Variants in DLG2 observed in about 807,000 individuals in gnomAD.
DLG2 encodes disks large homolog 2.
DLG2 carries 45 observed loss-of-function variants against 132.5 expected under a neutral mutation model. The ratio of observed to expected loss-of-function variants is 0.34; its 90% confidence interval spans 0.27 to 0.44. DLG2 has a LOEUF of 0.44. Among genes scored for constraint, DLG2 ranks in the 20% least tolerant of loss-of-function variants. The probability of loss-of-function intolerance (pLI) is 1.00; values close to 1 mark genes in which losing one functional copy is unlikely to be tolerated. For synonymous variants in DLG2, 424 were observed against 419.6 expected, an observed-to-expected ratio of 1.01 and a Z score of -0.13; for missense variants, 1,045 against 1,196.9, an observed-to-expected ratio of 0.87 and a Z score of 1.87.
At chr11:85,177,667 A>G (rs1167272681) in intron 4 of DLG2, among the ~76,000 whole-genome samples, 2 of 152,112 alleles carry the variant, frequency 1.3e-5, no homozygotes, top group African/African-American at 4.8e-5. Context: ...TATATACCCC[A>G]GAACTTAAAT....
At chr11:83,618,789 A>G (rs754840381) in intron 19 of DLG2, among the ~76,000 whole-genome samples, 5 of 152,160 alleles carry the variant, frequency 3.3e-5, no homozygotes, top group Admixed American at 6.5e-5. Context: ...AACAACAACA[A>G]CAAAAATACA....
At chr11:85,531,930 T>C (rs964216662) in intron 3 of DLG2, among the ~76,000 whole-genome samples, 1 of 152,198 alleles carries the variant, frequency 6.6e-6, no homozygotes, top group African/African-American at 2.4e-5. Context: ...TAAGCAACTT[T>C]CTCAAAGTCA....
chr11:84,596,364 T>C lies in DLG2; in HGVS notation c.358-61633A>G, dbSNP rs374448785. Among the ~76,000 whole-genome samples, 14 of 150,952 alleles carry C rather than the reference T, an allele frequency of 9.3e-5. No individual in the cohort carries two copies. In the East Asian group the frequency reaches 2.3e-3, roughly 25 times the overall value. On this transcript the variant is annotated intron_variant, in intron 6 of 27. Coordinates refer to ENST00000376104, the MANE Select transcript of DLG2 (RefSeq NM_001142699.3). ...TTGGGATTACAGGTGTGTGTCACCA[T>C]GCCCAGATAATTTTCTTTTTTTTTT... is the stretch of plus-strand genomic sequence containing the variant.
chr11:84,481,742 C>T (rs1025310949), intron 7 of DLG2, among the ~76,000 whole-genome samples: 1 of 152,148 alleles, frequency 6.6e-6, no homozygotes, highest in Admixed American at 6.6e-5. Flanking sequence ...GCATTTTCTG[C>T]ATTCTATCAA....
intron 19 of DLG2, among the ~76,000 whole-genome samples, chr11:83,603,164 T>G (rs918163240): frequency 6.6e-6 from 1 of 152,122 alleles, no homozygotes; most frequent in Non-Finnish European, 1.5e-5. Context: ...CTGCACAATT[T>G]TTTAAAAATA....
intron 14 of DLG2, 43 bp downstream of exon 14, chr11:83,962,842 T>C: frequency 6.2e-7 from 1 of 1,602,530 alleles, no homozygotes; most frequent in Non-Finnish European, 8.5e-7. Context: ...GATTTCTTTC[T>C]GGTAATAAGA....
chr11:84,280,751 G>T (rs1422440614), intron 7 of DLG2, among the ~76,000 whole-genome samples: 3 of 151,642 alleles, frequency 2.0e-5, no homozygotes, highest in Non-Finnish European at 4.4e-5. Context: ...AGGCTGGAGT[G>T]CAGTGGCACG....
intron 6 of DLG2, among the ~76,000 whole-genome samples, chr11:85,089,058 A>T (rs1326608005): frequency 6.6e-6 from 1 of 152,178 alleles, no homozygotes; most frequent in Non-Finnish European, 1.5e-5. Context: ...AGAGCTCCTT[A>T]CCACTTGAGG....
chr11:85,247,708 TC>T (rs1480097169), intron 4 of DLG2, among the ~76,000 whole-genome samples: 1 of 152,068 alleles, frequency 6.6e-6, no homozygotes, highest in Non-Finnish European at 1.5e-5. Context: ...ATCTTTTCTG[TC>T]TCTTGAAAAG....
chr11:85,479,551 T>C (rs989748838), intron 3 of DLG2, among the ~76,000 whole-genome samples: 2 of 152,180 alleles, frequency 1.3e-5, no homozygotes, highest in African/African-American at 4.8e-5. Flanking sequence ...TATGAATCAG[T>C]ATAAAAAATA....
chr11:85,499,417 G>A (rs1200948208), intron 3 of DLG2, among the ~76,000 whole-genome samples: 1 of 152,150 alleles, frequency 6.6e-6, no homozygotes, highest in East Asian at 1.9e-4. Context: ...TCTCTGAATA[G>A]ACCAATAATA....
chr11:85,169,968 G>T (rs1164836352), intron 4 of DLG2, among the ~76,000 whole-genome samples: 1 of 152,092 alleles, frequency 6.6e-6, no homozygotes, highest in Non-Finnish European at 1.5e-5. Context: ...ACACATACAT[G>T]TATCTTATTT....
At chr11:84,511,412 G>A (rs969683771) in intron 7 of DLG2, among the ~76,000 whole-genome samples, 3 of 152,048 alleles carry the variant, frequency 2.0e-5, no homozygotes, top group Non-Finnish European at 4.4e-5. Flanking sequence ...CAAATTGAAT[G>A]AATATCTTCT....
chr11:84,965,478 A>AC (rs1308643413), intron 6 of DLG2, among the ~76,000 whole-genome samples: 1 of 152,090 alleles, frequency 6.6e-6, no homozygotes, highest in African/African-American at 2.4e-5. Context: ...ACTGTGCGGG[A>AC]CTTAAATGAT....
intron 4 of DLG2, among the ~76,000 whole-genome samples, chr11:85,162,077 T>C (rs969747795): frequency 6.6e-6 from 1 of 152,128 alleles, no homozygotes; most frequent in African/African-American, 2.4e-5. Flanking sequence ...TAACCTGGAA[T>C]TGCCACCTGG....
chr11:84,786,056 A>G (rs979821649), intron 6 of DLG2, among the ~76,000 whole-genome samples: 2 of 152,174 alleles, frequency 1.3e-5, no homozygotes, highest in African/African-American at 4.8e-5. Context: ...CTATGCTATC[A>G]TTACTTCTAG....
intron 7 of DLG2, among the ~76,000 whole-genome samples, chr11:84,434,684 T>G (rs889726377): frequency 6.6e-6 from 1 of 152,160 alleles, no homozygotes; most frequent in Non-Finnish European, 1.5e-5. Flanking sequence ...CATTTTGTGA[T>G]GCTACTGAGT....
At chr11:85,370,115 T>C (rs1407920940) in intron 3 of DLG2, among the ~76,000 whole-genome samples, 1 of 152,216 alleles carries the variant, frequency 6.6e-6, no homozygotes, top group Non-Finnish European at 1.5e-5. Context: ...CCTATGGAAC[T>C]GACATACGGA....
At position 83,554,940 on chromosome 11, in the gene DLG2, C is replaced by T. The variant is rs183522133; in HGVS notation, c.1941-13082G>A. Among the ~76,000 whole-genome samples the T allele has an allele frequency of 7.3e-4, 111 of 152,312 alleles. 2 individuals carry two copies. Among genetic ancestry groups the T allele is most frequent in the Admixed American group, 7.3e-3 (111 of 15,306 alleles). On this transcript the variant is annotated intron_variant, in intron 19 of 27. Coordinates refer to ENST00000376104, the MANE Select transcript of DLG2 (RefSeq NM_001142699.3). ...GGGGATACAGTGTGAATAACAGAAA[C>T]AAGGCACTTTTGGAATTTAGAGACA...
Sources: gnomAD v4.1 joint callset for allele counts (sites outside exome capture counted in the v4.1 genomes callset) on GRCh38, gnomAD v4.1.1 for gene constraint, MANE v1.5 for transcripts, NCBI Gene and HGNC (gene_info 2026-07-23, HGNC 2026-07-21) for gene names.